CDH7: variants seen among roughly 807,000 people sequenced by gnomAD.
CDH7 encodes the protein cadherin 7.
A neutral mutation model predicts 71.8 loss-of-function variants in CDH7; 25 were observed. That is an observed-to-expected ratio of 0.35 (90% CI 0.25 to 0.49). CDH7 has a LOEUF of 0.49. Among genes scored for constraint, CDH7 ranks in the 20% least tolerant of loss-of-function variants. The pLI, the probability that CDH7 is intolerant of heterozygous loss-of-function variation, is 0.99. For missense variants in CDH7, 862 were observed against 974.6 expected (o/e 0.88, Z 1.54); for synonymous variants, 381 against 363.8 (o/e 1.05, Z -0.54).
intron 4 of CDH7, among the ~76,000 whole-genome samples, chr18:65,821,358 A>AT (rs1022647673): frequency 1.3e-5 from 2 of 152,002 alleles, no homozygotes; most frequent in East Asian, 1.9e-4. Flanking sequence ...ATTTGTATAT[A>AT]TTTTTTTCAT....
chr18:65,781,767 T>TTCCTTCC (rs1910201723), intron 2 of CDH7, among the ~76,000 whole-genome samples: 1 of 75,488 alleles, frequency 1.3e-5, no homozygotes, highest in Non-Finnish European at 2.6e-5. Context: ...TCTTTCTTTC[T>TTCCTTCC]TTCCTTCCTT....
intron 6 of CDH7, among the ~76,000 whole-genome samples, chr18:65,837,209 T>A (rs1291067055): frequency 4.6e-5 from 7 of 152,204 alleles, no homozygotes; most frequent in African/African-American, 1.7e-4. Flanking sequence ...AAGCAAAAAT[T>A]GCACAGGACA....
intron 11 of CDH7, among the ~76,000 whole-genome samples, chr18:65,873,679 C>G (rs957673356): frequency 1.3e-5 from 2 of 152,042 alleles, no homozygotes; most frequent in African/African-American, 4.8e-5. Context: ...CTATGGTAGA[C>G]AACGAAAATT....
chr18:65,802,683 G>A (rs79929785), intron 2 of CDH7, among the ~76,000 whole-genome samples: 8,146 of 152,216 alleles, frequency 0.054, 302 homozygotes, highest in South Asian at 0.12. Flanking sequence ...CACTAAGCGA[G>A]GATGAAGCCT....
In CDH7 at chr18:65,808,790, T is replaced by G. The variant is rs973268501; in HGVS notation, c.211-914T>G. Among the ~76,000 whole-genome samples, 12 of 152,200 alleles carry G rather than the reference T, an allele frequency of 7.9e-5. No homozygotes were observed. In the East Asian group the frequency reaches 2.1e-3, roughly 27 times the overall value. On this transcript the variant is annotated intron_variant, in intron 2 of 11. Coordinates refer to ENST00000397968, the MANE Select transcript of CDH7 (RefSeq NM_004361.5). ...TATTTGGTAAATTGAGTTTTTACAT[T>G]CATATTAACCAAAGTGCAGAATGAT...
chr18:65,826,554 A>G (rs1303933471), intron 6 of CDH7, among the ~76,000 whole-genome samples: 1 of 19,254 alleles, frequency 5.2e-5, no homozygotes, highest in African/African-American at 1.0e-4. Context: ...AAACTTTTAC[A>G]AAGTCTTTCA....
In CDH7 at chr18:65,763,057, G is replaced by A. The variant is rs780833926; in HGVS notation, c.210+5G>A. 9 of 1,594,592 alleles carry A rather than the reference G, an allele frequency of 5.6e-6. No individual in the cohort carries two copies. Among genetic ancestry groups the A allele is most frequent in the Admixed American group, 1.7e-5 (1 of 59,716 alleles). Reference sequence around the variant, plus strand: ...GACCCCCTCTATGTAGGAAAGGTAGGGTATTGTGACCTTTCAAAGTTGTAA... The same window carrying A: ...GACCCCCTCTATGTAGGAAAGGTAGAGTATTGTGACCTTTCAAAGTTGTAA... On this transcript the variant is annotated splice_donor_5th_base_variant and intron_variant, in intron 2 of 11. Transcript: ENST00000397968.
At chr18:65,785,956 A>G (rs1461249608) in intron 2 of CDH7, among the ~76,000 whole-genome samples, 1 of 152,194 alleles carries the variant, frequency 6.6e-6, no homozygotes, top group Non-Finnish European at 1.5e-5. Flanking sequence ...AACACATTAT[A>G]AATACATGTG....
chr18:65,871,993 A>G (rs1913940806), intron 11 of CDH7, among the ~76,000 whole-genome samples: 1 of 138,320 alleles, frequency 7.2e-6, no homozygotes, highest in Non-Finnish European at 1.5e-5. Flanking sequence ...GTGAAAAGCC[A>G]AGAAACCGAG....
chr18:65,778,374 T>A (rs1276248381), intron 2 of CDH7, among the ~76,000 whole-genome samples: 1 of 150,614 alleles, frequency 6.6e-6, no homozygotes, highest in Non-Finnish European at 1.5e-5. Context: ...TGGGCTAAAT[T>A]ACAAAACCAA....
At position 65,809,843 on chromosome 18, in the gene CDH7, A is replaced by G; in HGVS notation, c.350A>G (p.Tyr117Cys). ...TKRLDREEQA[Y>C]YTLRAQALDR... ...AGACTGGATCGTGAGGAGCAGGCCT[A>G]CTACACGCTCCGAGCTCAAGCGCTG... Residue 117 changes from tyrosine to cysteine, a missense_variant, in exon 3 of 12, where the codon TAC (tyrosine) becomes TGC (cysteine). Physicochemically the swap from Tyr to Cys is radical, Grantham distance 194. Transcript: ENST00000397968. 1.2e-6 allele frequency: 2 copies of G among 1,613,894 alleles called. No individual in the cohort carries two copies. The highest frequency in any genetic ancestry group is 1.7e-6 in the Non-Finnish European group (2 of 1,179,930).
At chr18:65,842,848 A>G in intron 6 of CDH7, among the ~76,000 whole-genome samples, 1 of 27,686 alleles carries the variant, frequency 3.6e-5, no homozygotes, top group African/African-American at 4.9e-5. Flanking sequence ...GTATTCCTGT[A>G]AAGTTTTTTT....
intron 2 of CDH7, among the ~76,000 whole-genome samples, chr18:65,783,526 T>C (rs1210170044): frequency 6.6e-6 from 1 of 152,192 alleles, no homozygotes; most frequent in Non-Finnish European, 1.5e-5. Flanking sequence ...GTCTTAACTT[T>C]AGATTATGAA....
chr18:65,787,191 A>G lies in CDH7; in HGVS notation c.211-22513A>G, dbSNP rs181042004. On this transcript the variant is annotated intron_variant, in intron 2 of 11. Transcript: ENST00000397968. The stretch of plus-strand genomic sequence containing the variant: ...ATTTTAACATTTCAATAGATTTCAT[A>G]TATATGTAGAAAGAGCTTTTCTGAC... 1.9e-4 allele frequency among the ~76,000 whole-genome samples: 29 copies of G among 152,334 alleles called. No homozygotes were observed. The East Asian group carries it at 5.2e-3, about 27-fold the overall frequency.
At chr18:65,809,554 T>C (rs1345443721) in intron 2 of CDH7, 150 bp from the exon 3 acceptor site, 3 of 644,934 alleles carry the variant, frequency 4.7e-6, no homozygotes, top group African/African-American at 3.7e-5. Flanking sequence ...TCTAATAGCC[T>C]TTCTGCTGTG....
At chr18:65,755,071 C>T (rs1267955168) in intron 1 of CDH7, among the ~76,000 whole-genome samples, 2 of 152,038 alleles carry the variant, frequency 1.3e-5, no homozygotes, top group Non-Finnish European at 2.9e-5. Context: ...AACTTATGGT[C>T]GTATAAAAAT....
At chr18:65,808,222 T>TA (rs1477660126) in intron 2 of CDH7, among the ~76,000 whole-genome samples, 3 of 152,198 alleles carry the variant, frequency 2.0e-5, no homozygotes, top group Admixed American at 6.5e-5. Context: ...GTTTTGTTTT[T>TA]AAAAAAAGAA....
chr18:65,865,279 G>A (rs1913717950), intron 11 of CDH7: 2 of 152,034 alleles, frequency 1.3e-5, no homozygotes, highest in African/African-American at 4.8e-5. Context: ...TAGATATACT[G>A]TATATGAGTA....
intron 2 of CDH7, among the ~76,000 whole-genome samples, chr18:65,797,548 G>A (rs1041284572): frequency 5.3e-5 from 8 of 152,040 alleles, no homozygotes; most frequent in South Asian, 2.1e-4. Context: ...TCTCTTAGGC[G>A]TCCTTAGGTC....
Sources: gnomAD v4.1 joint callset for allele counts (sites outside exome capture counted in the v4.1 genomes callset) on GRCh38, gnomAD v4.1.1 for gene constraint, MANE v1.5 for transcripts, NCBI Gene and HGNC (gene_info 2026-07-23, HGNC 2026-07-21) for gene names.